Variants in PAN3 observed in about 807,000 individuals in gnomAD.
The protein encoded by PAN3 is poly(A) specific ribonuclease subunit PAN3, also known as PAN2-PAN3 deadenylation complex subunit PAN3.
PAN3 carries 19 observed loss-of-function variants against 96.2 expected under a neutral mutation model. That is an observed-to-expected ratio of 0.20 (90% CI 0.14 to 0.29). The LOEUF is 0.29. Among genes scored for constraint, PAN3 ranks in the 10% least tolerant of loss-of-function variants. PAN3 has a pLI of 1.00. For missense variants in PAN3, 882 were observed against 1,108.1 expected (o/e 0.80, Z 2.90); for synonymous variants, 433 against 406.6 (o/e 1.06, Z -0.78).
rs754825849 is a variant in PAN3 at position 28,277,346 on chromosome 13, A to G, written c.2159A>G (p.Asn720Ser). The G allele has an allele frequency of 1.2e-6, 2 of 1,612,888 alleles. No homozygotes were observed. Among genetic ancestry groups the G allele is most frequent in the South Asian group, 1.1e-5 (1 of 90,836 alleles). ...LQKAMELVTINYSSDLKNLIL... is the reference protein window; with the variant it reads ...LQKAMELVTISYSSDLKNLIL... ...AAAGCCATGGAACTGGTGACAATCA[A>G]CTATTCCTCTGACCTGAAGAATCTG... The change falls in exon 15 of 19, where the codon AAC becomes AGC. Residue 720 changes from asparagine to serine, a missense_variant. By Grantham distance (46) the Asn-to-Ser change is conservative. Around this residue, in one of 3 missense-constraint regions of PAN3, gnomAD observed 364 missense variants for 513.6 expected, o/e 0.71. Coordinates refer to ENST00000380958, the MANE Select transcript of PAN3 (RefSeq NM_175854.8).
At position 28,294,156 on chromosome 13, in the gene PAN3, G is replaced by A. The variant is rs10507381; in HGVS notation, c.*1634G>A. Reference sequence around the variant, plus strand: ...TTACACGTTTTAACAAGTATATTGAGTCCACGTTTGGTAGCATCAGTTGTT... The same window carrying A: ...TTACACGTTTTAACAAGTATATTGAATCCACGTTTGGTAGCATCAGTTGTT... On this transcript the variant is annotated 3_prime_UTR_variant, in exon 19 of 19. Transcript: ENST00000380958. The A allele has an allele frequency of 0.057, 8,665 of 152,668 alleles. 321 individuals are homozygous for A. The highest frequency in any genetic ancestry group is 0.15 in the South Asian group (706 of 4,820). The allele number at this position is 152,668 out of a possible 1,614,324, so 9.5% of individuals were successfully genotyped here.
chr13:28,221,078 T>C (rs1881354303), intron 6 of PAN3, among the ~76,000 whole-genome samples: 1 of 152,176 alleles, frequency 6.6e-6, no homozygotes, highest in Non-Finnish European at 1.5e-5. Flanking sequence ...GCAGTCTTCA[T>C]TTTTATCTTA....
intron 5 of PAN3, among the ~76,000 whole-genome samples, chr13:28,206,185 A>G (rs750561449): frequency 3.3e-5 from 5 of 152,120 alleles, no homozygotes; most frequent in African/African-American, 4.8e-5. Context: ...CTGCGATACA[A>G]TTTGGGAAAT....
chr13:28,181,392 C>CA (rs1875746767), intron 4 of PAN3, among the ~76,000 whole-genome samples: 1 of 150,736 alleles, frequency 6.6e-6, no homozygotes, highest in Non-Finnish European at 1.5e-5. Flanking sequence ...CGCCTGTAGT[C>CA]ACAGCTACTC....
chr13:28,159,730 G>GAGT (rs776608689), intron 1 of PAN3, among the ~76,000 whole-genome samples: 14 of 152,080 alleles, frequency 9.2e-5, no homozygotes, highest in Non-Finnish European at 1.3e-4. Flanking sequence ...TTATAGGTGT[G>GAGT]AGTCACCACA....
At chr13:28,203,499 G>C (rs1368932892) in intron 5 of PAN3, among the ~76,000 whole-genome samples, 1 of 151,426 alleles carries the variant, frequency 6.6e-6, no homozygotes, top group Non-Finnish European at 1.5e-5. Context: ...TGTAGAGACA[G>C]GGTTTCTCCA....
At chr13:28,291,885 A>G (rs955900973) in intron 18 of PAN3, among the ~76,000 whole-genome samples, 2 of 152,128 alleles carry the variant, frequency 1.3e-5, no homozygotes, top group African/African-American at 4.8e-5. Flanking sequence ...CTGATTGGAA[A>G]ACAATTTGGT....
chr13:28,152,648 A>G (rs1871517685), intron 1 of PAN3, among the ~76,000 whole-genome samples: 1 of 152,100 alleles, frequency 6.6e-6, no homozygotes, highest in African/African-American at 2.4e-5. Flanking sequence ...TGTGAGACGA[A>G]CATTCAGTGT....
chr13:28,177,028 C>T lies in PAN3; in HGVS notation c.619+469C>T, dbSNP rs1030030857. Among the ~76,000 whole-genome samples the T allele has an allele frequency of 1.5e-4, 23 of 152,098 alleles. 1 individual carries two copies. Among genetic ancestry groups the T allele is most frequent in the South Asian group, 6.2e-4 (3 of 4,812 alleles). ...ATGAAGCAGCAGTCTATATGTACTA[C>T]ATTGTGAAGAGATTTAAGGTTCCTT... On this transcript the variant is annotated intron_variant, in intron 3 of 18. Transcript: ENST00000380958.
At chr13:28,252,709 TAC>T (rs1209214144) in intron 6 of PAN3, among the ~76,000 whole-genome samples, 2 of 152,156 alleles carry the variant, frequency 1.3e-5, no homozygotes, top group African/African-American at 4.8e-5. Flanking sequence ...CTTTAGAAGT[TAC>T]AGTGTAATTA....
intron 5 of PAN3, among the ~76,000 whole-genome samples, chr13:28,201,244 G>A (rs1378322088): frequency 2.7e-5 from 4 of 150,050 alleles, no homozygotes; most frequent in Non-Finnish European, 5.9e-5. Context: ...GGGTCTTGCC[G>A]TGTTGCTCAG....
intron 8 of PAN3, 60 bp from the exon 9 acceptor site, chr13:28,261,341 T>C: frequency 8.3e-7 from 1 of 1,206,206 alleles, no homozygotes; most frequent in Non-Finnish European, 1.2e-6. Flanking sequence ...TTAATTATAA[T>C]AGGAATTCCA....
chr13:28,218,261 C>G (rs1054809693), intron 5 of PAN3, among the ~76,000 whole-genome samples: 1 of 152,036 alleles, frequency 6.6e-6, no homozygotes, highest in African/African-American at 2.4e-5. Context: ...ATTTTCTGAT[C>G]TGGCTACAAT....
chr13:28,139,514 T>TTG (rs10577740), intron 1 of PAN3, among the ~76,000 whole-genome samples: 7,587 of 93,054 alleles, frequency 0.082, 385 homozygotes, highest in African/African-American at 0.11. Flanking sequence ...AGGGGTGTGT[T>TTG]TGTGTGTGTG....
intron 6 of PAN3, among the ~76,000 whole-genome samples, chr13:28,253,598 C>CT (rs961588017): frequency 9.0e-4 from 128 of 142,918 alleles, no homozygotes; most frequent in South Asian, 2.2e-3. Context: ...CTTTGCTTTC[C>CT]TTTTTTTTTT....
intron 1 of PAN3, among the ~76,000 whole-genome samples, chr13:28,170,859 C>T (rs554106054): frequency 2.0e-5 from 3 of 152,070 alleles, no homozygotes; most frequent in South Asian, 4.2e-4. Flanking sequence ...TGTAATGGTG[C>T]GATCTTGGCT....
intron 1 of PAN3, among the ~76,000 whole-genome samples, chr13:28,153,038 T>C (rs1282232797): frequency 6.6e-6 from 1 of 152,140 alleles, no homozygotes; most frequent in Admixed American, 6.6e-5. Context: ...ACACAGGATA[T>C]ATGTACAGAG....
At chr13:28,153,512 C>G (rs956132985) in intron 1 of PAN3, among the ~76,000 whole-genome samples, 1 of 152,058 alleles carries the variant, frequency 6.6e-6, no homozygotes, top group Admixed American at 6.6e-5. Context: ...GCTGAAATTA[C>G]AGGTGTGAGC....
chr13:28,267,527 T>C (rs1435326488), intron 12 of PAN3, 126 bp downstream of exon 12: 1 of 753,086 alleles, frequency 1.3e-6, no homozygotes, highest in Non-Finnish European at 2.1e-6. Context: ...TCTATTACAT[T>C]TTGTACTAGT....
Sources: gnomAD v4.1 joint callset for allele counts (sites outside exome capture counted in the v4.1 genomes callset) on GRCh38, gnomAD v4.1.1 for gene constraint, gnomAD v4.1.1 regional missense constraint, MANE v1.5 for transcripts, NCBI Gene and HGNC (gene_info 2026-07-23, HGNC 2026-07-21) for gene names.